The following MTUS2 variants were observed in gnomAD, a reference collection of about 807,000 sequenced individuals.
MTUS2 encodes microtubule-associated tumor suppressor candidate 2.
A neutral mutation model predicts 114.1 loss-of-function variants in MTUS2; 40 were observed. The ratio of observed to expected loss-of-function variants is 0.35; its 90% CI spans 0.27 to 0.46. The LOEUF (loss-of-function observed/expected upper bound fraction) is 0.46, where lower values mean the gene tolerates loss of function less well. MTUS2 is among the 20% of genes least tolerant of loss of function. The pLI, the probability that MTUS2 is intolerant of heterozygous loss-of-function variation, is 1.00. For missense variants in MTUS2, 1,679 were observed against 1,705.4 expected (o/e 0.98, Z 0.27); for synonymous variants, 688 against 672.0 (o/e 1.02, Z -0.37).
chr13:28,971,737 A>G (rs537690662), intron 2 of MTUS2, among the ~76,000 whole-genome samples: 211 of 152,328 alleles, frequency 1.4e-3, no homozygotes, highest in Non-Finnish European at 2.4e-3. Flanking sequence ...TTTACTTCTC[A>G]TATAAACATG....
intron 3 of MTUS2, 103 bp from the exon 4 acceptor site, chr13:29,033,782 G>A: frequency 7.1e-7 from 1 of 1,400,534 alleles, no homozygotes; most frequent in Non-Finnish European, 9.8e-7. Flanking sequence ...GCAGCTAAGT[G>A]GTACCAGAGT....
chr13:28,844,733 C>T lies in MTUS2; in HGVS notation c.-243+4883C>T, dbSNP rs377198759. 2.0e-4 allele frequency among the ~76,000 whole-genome samples: 31 copies of T among 152,190 alleles called. No homozygotes were observed. In the South Asian group the frequency reaches 6.4e-3, roughly 32 times the overall value. Reference sequence around the variant, plus strand: ...CTAGGCTCAGGTAATTCTCATGCCTCAGCCTCCTGAGGAGCAGGGACTACA... The same window carrying T: ...CTAGGCTCAGGTAATTCTCATGCCTTAGCCTCCTGAGGAGCAGGGACTACA... On this transcript the variant is annotated intron_variant, in intron 2 of 15. Coordinates refer to ENST00000612955, the MANE Select transcript of MTUS2 (RefSeq NM_001033602.4).
chr13:29,483,481 C>T lies in MTUS2; in HGVS notation c.3399+3117C>T, dbSNP rs115986441. ...ACTTGGAGAACTGGTTAGAACACCGCTTCTCAGCCTGCCCTGACACTAATT... is the reference window on the plus strand; with the variant it reads ...ACTTGGAGAACTGGTTAGAACACCGTTTCTCAGCCTGCCCTGACACTAATT... On this transcript the variant is annotated intron_variant, in intron 10 of 15. Coordinates refer to ENST00000612955, the MANE Select transcript of MTUS2 (RefSeq NM_001033602.4). Among the ~76,000 whole-genome samples, 757 of 152,348 alleles carry T rather than the reference C, an allele frequency of 5.0e-3. 6 individuals are homozygous for T. The highest frequency in any genetic ancestry group is 0.017 in the African/African-American group (707 of 41,580).
chr13:29,158,256 A>G (rs1399469470), intron 5 of MTUS2, among the ~76,000 whole-genome samples: 2 of 151,940 alleles, frequency 1.3e-5, no homozygotes, highest in East Asian at 1.9e-4. Context: ...TACCAAGTGC[A>G]GGCACTGAGT....
intron 2 of MTUS2, among the ~76,000 whole-genome samples, chr13:28,952,709 T>C (rs1168701360): frequency 6.6e-6 from 1 of 152,266 alleles, no homozygotes; most frequent in African/African-American, 2.4e-5. Context: ...CACACTTTTC[T>C]GTATCTTAGT....
intron 4 of MTUS2, among the ~76,000 whole-genome samples, chr13:29,042,955 C>T (rs568484584): frequency 6.6e-6 from 1 of 152,070 alleles, no homozygotes; most frequent in African/African-American, 2.4e-5. Context: ...TTTTTTCTTA[C>T]AATTGTATTT....
intron 2 of MTUS2, among the ~76,000 whole-genome samples, chr13:28,907,046 C>A (rs1880071732): frequency 3.3e-5 from 5 of 151,584 alleles, no homozygotes; most frequent in Admixed American, 3.3e-4. Context: ...AGGCTAACAG[C>A]AGATCTCTCG....
At position 29,070,814 on chromosome 13, in the gene MTUS2, A is replaced by G. The variant is rs149164797; in HGVS notation, c.2447-29959A>G. Among the ~76,000 whole-genome samples, 179 of 152,190 alleles carry G rather than the reference A, an allele frequency of 1.2e-3. 1 individual carries two copies. The highest frequency in any genetic ancestry group is 4.1e-3 in the African/African-American group (172 of 41,526). On this transcript the variant is annotated intron_variant, in intron 4 of 15. Coordinates refer to ENST00000612955, the MANE Select transcript of MTUS2 (RefSeq NM_001033602.4). Reference sequence around the variant, plus strand: ...TGTTATTTGCTTTTGGACTTCATAAAGTGATTACCTGTATCATTACCTTTT... The same window carrying G: ...TGTTATTTGCTTTTGGACTTCATAAGGTGATTACCTGTATCATTACCTTTT...
chr13:28,836,135 A>T (rs1042068580), intron 1 of MTUS2, among the ~76,000 whole-genome samples: 1 of 152,198 alleles, frequency 6.6e-6, no homozygotes, highest in Non-Finnish European at 1.5e-5. Context: ...AAAAAGAAAC[A>T]TGGAATTTAA....
intron 8 of MTUS2, among the ~76,000 whole-genome samples, chr13:29,414,369 T>C (rs1875492476): frequency 9.0e-6 from 1 of 111,240 alleles, no homozygotes; most frequent in Non-Finnish European, 1.8e-5. Context: ...GACACGTTAG[T>C]GGGTGCAGCG....
intron 3 of MTUS2, among the ~76,000 whole-genome samples, chr13:29,033,298 G>A (rs1432357523): frequency 6.6e-6 from 1 of 152,140 alleles, no homozygotes; most frequent in Non-Finnish European, 1.5e-5. Context: ...TCAGGCTCAG[G>A]TTTTTAACTA....
intron 6 of MTUS2, among the ~76,000 whole-genome samples, chr13:29,315,160 G>C (rs1899934589): frequency 6.6e-6 from 1 of 152,190 alleles, no homozygotes; most frequent in Non-Finnish European, 1.5e-5. Context: ...GTGGGTACTA[G>C]AAATTGGGAA....
intron 5 of MTUS2, among the ~76,000 whole-genome samples, chr13:29,280,705 C>T (rs1044384680): frequency 1.3e-4 from 20 of 152,142 alleles, no homozygotes; most frequent in African/African-American, 4.8e-4. Flanking sequence ...GGTAGATGGT[C>T]ATATTCCTAC....
At chr13:29,337,319 C>G (rs986160817) in intron 7 of MTUS2, among the ~76,000 whole-genome samples, 2 of 152,174 alleles carry the variant, frequency 1.3e-5, no homozygotes, top group Non-Finnish European at 2.9e-5. Flanking sequence ...TTGTGAAGAC[C>G]ATGGGAAAAG....
At chr13:29,086,165 T>C (rs1889683299) in intron 4 of MTUS2, among the ~76,000 whole-genome samples, 2 of 152,228 alleles carry the variant, frequency 1.3e-5, no homozygotes, top group African/African-American at 4.8e-5. Flanking sequence ...AAGTTCCTTA[T>C]AGATTCTGGA....
chr13:29,331,232 C>G (rs1900764468), intron 7 of MTUS2, among the ~76,000 whole-genome samples: 1 of 152,064 alleles, frequency 6.6e-6, no homozygotes, highest in Non-Finnish European at 1.5e-5. Flanking sequence ...ATTTGGCTCT[C>G]TGTTTGTCTA....
intron 8 of MTUS2, among the ~76,000 whole-genome samples, chr13:29,400,405 A>C (rs879725221): frequency 6.6e-6 from 1 of 152,238 alleles, no homozygotes; most frequent in African/African-American, 2.4e-5. Flanking sequence ...GCATTTATGA[A>C]TCAGTTGAGA....
rs566792333 is a variant in MTUS2 at position 29,186,197 on chromosome 13, G to A, written c.2644+85227G>A. On this transcript the variant is annotated intron_variant, in intron 5 of 15. Coordinates refer to ENST00000612955, the MANE Select transcript of MTUS2 (RefSeq NM_001033602.4). ...CCACTGCACTCCTGCCTGGGCAACT[G>A]AGTGAGACCTTGTTTCCAAAAGAAT... Among the ~76,000 whole-genome samples, 10 of 152,310 alleles carry A rather than the reference G, an allele frequency of 6.6e-5. No homozygotes were observed. The South Asian group carries it at 2.1e-3, about 32-fold the overall frequency.
chr13:29,357,927 G>T (rs1167879331), intron 7 of MTUS2, among the ~76,000 whole-genome samples: 3 of 152,122 alleles, frequency 2.0e-5, no homozygotes, highest in African/African-American at 4.8e-5. Context: ...AAAAGATGAG[G>T]CCACTTGCAC....
Sources: gnomAD v4.1 joint callset for allele counts (sites outside exome capture counted in the v4.1 genomes callset) on GRCh38, gnomAD v4.1.1 for gene constraint, MANE v1.5 for transcripts, NCBI Gene and HGNC (gene_info 2026-07-23, HGNC 2026-07-21) for gene names.